The following ZNF670 variants were observed in gnomAD, a reference collection of about 807,000 sequenced individuals.
ZNF670 encodes the protein zinc finger protein 670.
In ZNF670, 7 loss-of-function variants were observed where a neutral mutation model predicts 10.9. That is an observed-to-expected ratio of 0.64 (90% CI 0.36 to 1.20). The LOEUF is 1.20. ZNF670 is among the 50% of genes most tolerant of loss of function. ZNF670 has a pLI of 0.02. For synonymous variants in ZNF670, 136 were observed against 152.7 expected (o/e 0.89, Z 0.81); for missense variants, 446 against 458.6 (o/e 0.97, Z 0.25).
At chr1:247,048,960 T>A (rs66643713) in intron 1 of ZNF670, among the ~76,000 whole-genome samples, 35,351 of 152,130 alleles carry the variant, frequency 0.23, 4,617 homozygotes, top group Middle Eastern at 0.36. Context: ...TCTTATTTAA[T>A]CTAGGAGAGT....
intron 1 of ZNF670, among the ~76,000 whole-genome samples, chr1:247,061,190 T>C (rs1175814359): frequency 6.6e-6 from 1 of 151,614 alleles, no homozygotes; most frequent in Non-Finnish European, 1.5e-5. Context: ...TAAATTTTTT[T>C]TTTTTTTTTG....
chr1:247,073,035 A>G (rs922384981), intron 1 of ZNF670, among the ~76,000 whole-genome samples: 4 of 151,890 alleles, frequency 2.6e-5, no homozygotes, highest in Non-Finnish European at 5.9e-5. Context: ...CACATCTCTG[A>G]GCAGAAGTTA....
rs1261218047 is a variant in ZNF670, at chr1:247,036,501, A to T, written c.*948T>A. The stretch of plus-strand genomic sequence containing the variant: ...GATCCCATCTCTATAAAAAATTTTT[A>T]AAATTATATAATTAGCTGAGCATGG... On this transcript the variant is annotated 3_prime_UTR_variant, in exon 4 of 4. Coordinates refer to ENST00000366503, the MANE Select transcript of ZNF670 (RefSeq NM_033213.5). Among the ~76,000 whole-genome samples, 3 of 152,160 alleles carry T rather than the reference A, an allele frequency of 2.0e-5. No homozygotes were observed. Among genetic ancestry groups the T allele is most frequent in the East Asian group, 1.9e-4 (1 of 5,194 alleles).
intron 1 of ZNF670, among the ~76,000 whole-genome samples, chr1:247,076,302 G>A (rs1439421178): frequency 6.6e-6 from 1 of 151,648 alleles, no homozygotes; most frequent in Non-Finnish European, 1.5e-5. Context: ...TGTCACCCAG[G>A]CTGGAGTGCA....
Position 247,035,430 on chromosome 1 carries a change from G to A in ZNF670, c.*2019C>T, listed in dbSNP as rs1388448794. ...CTTTGTAGTATCAAGAACGTGAGAT[G>A]CTTCTTGGTTCTCATAAGGATGCAA... is the stretch of plus-strand genomic sequence containing the variant. On this transcript the variant is annotated 3_prime_UTR_variant, in exon 4 of 4. Coordinates refer to ENST00000366503, the MANE Select transcript of ZNF670 (RefSeq NM_033213.5). Among the ~76,000 whole-genome samples the A allele has an allele frequency of 6.6e-6, 1 of 152,188 alleles. No homozygotes were observed. The highest frequency in any genetic ancestry group is 1.5e-5 in the Non-Finnish European group (1 of 68,040).
At chr1:247,051,709 C>G (rs1442620189) in intron 1 of ZNF670, among the ~76,000 whole-genome samples, 5 of 152,004 alleles carry the variant, frequency 3.3e-5, no homozygotes, top group African/African-American at 9.7e-5. Context: ...AATAAGAATT[C>G]CAAAATTTTA....
chr1:247,041,226 G>A (rs1277063118), intron 1 of ZNF670, among the ~76,000 whole-genome samples: 1 of 152,060 alleles, frequency 6.6e-6, no homozygotes, highest in Non-Finnish European at 1.5e-5. Flanking sequence ...ACAGAAAAAT[G>A]GGCAGAATTC....
At chr1:247,061,282 A>C (rs1174094953) in intron 1 of ZNF670, among the ~76,000 whole-genome samples, 1 of 151,514 alleles carries the variant, frequency 6.6e-6, no homozygotes, top group African/African-American at 2.4e-5. Flanking sequence ...CCTGGGTTCA[A>C]GCAATTCTCT....
chr1:247,067,013 T>C (rs1298232904), intron 1 of ZNF670, among the ~76,000 whole-genome samples: 1 of 152,224 alleles, frequency 6.6e-6, no homozygotes, highest in Non-Finnish European at 1.5e-5. Context: ...GACATTATTA[T>C]GTCTCCCTAA....
chr1:247,055,613 G>A (rs1242447515), intron 1 of ZNF670, among the ~76,000 whole-genome samples: 1 of 152,168 alleles, frequency 6.6e-6, no homozygotes, highest in Non-Finnish European at 1.5e-5. Flanking sequence ...ACTAGAGACT[G>A]CTACATTGTG....
chr1:247,045,168 C>T (rs1204076335), intron 1 of ZNF670, among the ~76,000 whole-genome samples: 1 of 152,132 alleles, frequency 6.6e-6, no homozygotes, highest in Non-Finnish European at 1.5e-5. Flanking sequence ...ATAGGAAAAA[C>T]CAAACTGAAA....
At chr1:247,052,050 C>T (rs116555864) in intron 1 of ZNF670, among the ~76,000 whole-genome samples, 3,954 of 151,228 alleles carry the variant, frequency 0.026, 193 homozygotes, top group African/African-American at 0.089. Context: ...GGTGCCTCCA[C>T]GAGTAGCTTA....
At chr1:247,060,161 C>T (rs1670824644) in intron 1 of ZNF670, among the ~76,000 whole-genome samples, 1 of 151,940 alleles carries the variant, frequency 6.6e-6, no homozygotes, top group Non-Finnish European at 1.5e-5. Context: ...AGCCAAAAGA[C>T]CCAGATGGTA....
At chr1:247,043,648 G>A (rs922583769) in intron 1 of ZNF670, 30 of 534,412 alleles carry the variant, frequency 5.6e-5, no homozygotes, top group African/African-American at 5.4e-4. Flanking sequence ...GATCCTGGCT[G>A]CAGTGGGAGA....
chr1:247,070,868 A>T (rs1671098645), intron 1 of ZNF670, among the ~76,000 whole-genome samples: 1 of 152,274 alleles, frequency 6.6e-6, no homozygotes. Flanking sequence ...CACATGGTCA[A>T]GAAGTGTGTG....
rs565370182 is a variant in ZNF670, at chr1:247,038,059, G to A, written c.560C>T (p.Pro187Leu). The change falls in exon 4 of 4, where the codon CCT (proline) becomes CTT (leucine). Residue 187 changes from proline (P) to leucine (L), a missense_variant. Physicochemically the swap from Pro to Leu is moderately conservative, Grantham distance 98 (BLOSUM62 -3). Coordinates refer to ENST00000366503, the MANE Select transcript of ZNF670 (RefSeq NM_033213.5). ...TTTCTCTCCAGTGTAAGTGCTCTGA[G>A]GCATTTGAAATACACTAGGAAAATC... ...PFDFPSVFQM[P>L]QSTYTGEKTY... 2.5e-6 allele frequency: 4 copies of A among 1,614,146 alleles called. No homozygotes were observed. In the African/African-American group the frequency reaches 4.0e-5, roughly 16 times the overall value.
At chr1:247,047,313 G>A (rs1670474138) in intron 1 of ZNF670, among the ~76,000 whole-genome samples, 1 of 152,150 alleles carries the variant, frequency 6.6e-6, no homozygotes, top group South Asian at 2.1e-4. Context: ...CACCACTGCA[G>A]CAAACTTCTG....
chr1:247,071,235 A>G (rs1671106687), intron 1 of ZNF670, among the ~76,000 whole-genome samples: 1 of 152,252 alleles, frequency 6.6e-6, no homozygotes, highest in Non-Finnish European at 1.5e-5. Context: ...GCCCAGCAAC[A>G]GTAAAATGGA....
At chr1:247,054,814 A>G (rs557698676) in intron 1 of ZNF670, among the ~76,000 whole-genome samples, 102 of 152,178 alleles carry the variant, frequency 6.7e-4, no homozygotes, top group African/African-American at 2.4e-3. Flanking sequence ...CTTGTCTCAA[A>G]TAATAATAAT....
Sources: gnomAD v4.1 joint callset for allele counts (sites outside exome capture counted in the v4.1 genomes callset) on GRCh38, gnomAD v4.1.1 for gene constraint, MANE v1.5 for transcripts, NCBI Gene and HGNC (gene_info 2026-07-23, HGNC 2026-07-21) for gene names.